Variants in ACAN observed in about 807,000 individuals in gnomAD.
The protein encoded by ACAN is aggrecan core protein.
In ACAN, 47 loss-of-function variants were observed where a neutral mutation model predicts 169.1. That is an observed-to-expected ratio of 0.28 (90% CI 0.22 to 0.35). The LOEUF (loss-of-function observed/expected upper bound fraction) is 0.35. Ranked by LOEUF, ACAN falls within the 10% of genes least tolerant of loss-of-function variation. ACAN has a pLI of 1.00. For missense variants in ACAN, 2,716 were observed against 2,759.9 expected, an observed-to-expected ratio of 0.98 and a Z score of 0.36; for synonymous variants, 1,115 against 1,112.2, an observed-to-expected ratio of 1.00 and a Z score of -0.05.
intron 1 of ACAN, among the ~76,000 whole-genome samples, chr15:88,815,139 C>T (rs1895907435): frequency 6.6e-6 from 1 of 152,076 alleles, no homozygotes; most frequent in African/African-American, 2.4e-5. Context: ...TATGGTTCTC[C>T]CCTCTCTTGG....
chr15:88,840,010 A>G lies in ACAN; in HGVS notation c.455-2A>G. The G allele has an allele frequency of 6.3e-7, 1 of 1,597,094 alleles. No individual in the cohort carries two copies. The highest frequency in any genetic ancestry group is 1.1e-5 in the South Asian group (1 of 88,022). The stretch of plus-strand genomic sequence containing the variant: ...GCTTGTGGGCGTGTATGTGTCTTGC[A>G]GGCATCGTGTTCCATTACAGAGCCA... On this transcript the variant is annotated splice_acceptor_variant, in intron 3 of 18. Transcript: ENST00000560601. LOFTEE classifies it high-confidence loss of function.
intron 4 of ACAN, among the ~76,000 whole-genome samples, chr15:88,841,409 G>T (rs1055439144): frequency 6.6e-6 from 1 of 152,162 alleles, no homozygotes; most frequent in Non-Finnish European, 1.5e-5. Flanking sequence ...TTGCATATCT[G>T]TGGGTGCTTC....
At chr15:88,823,460 G>A (rs1446058622) in intron 1 of ACAN, among the ~76,000 whole-genome samples, 1 of 151,908 alleles carries the variant, frequency 6.6e-6, no homozygotes, top group African/African-American at 2.4e-5. Flanking sequence ...AAAGCTGAGT[G>A]TCCCTGGATG....
chr15:88,844,239 A>G (rs933887735), intron 6 of ACAN, among the ~76,000 whole-genome samples: 3 of 150,734 alleles, frequency 2.0e-5, no homozygotes, highest in African/African-American at 7.3e-5. Flanking sequence ...GGCTCAAGCA[A>G]TCCTCCTGCC....
chr15:88,843,477 A>G lies in ACAN; in HGVS notation c.880A>G (p.Met294Val). The G allele has an allele frequency of 1.2e-6, 2 of 1,612,076 alleles. No homozygotes were observed. The highest frequency in any genetic ancestry group is 1.1e-5 in the South Asian group (1 of 90,944). ...GCTCTACCTGGCCTGGCAGGCTGGC[A>G]TGGACATGTGCAGCGCCGGCTGGCT... ...GQLYLAWQAGMDMCSAGWLAD... is the reference protein window; with the variant it reads ...GQLYLAWQAGVDMCSAGWLAD... Residue 294 changes from methionine to valine, a missense_variant, in exon 6 of 19, where the codon ATG becomes GTG. Met to Val is a conservative substitution (Grantham distance 21). Coordinates refer to ENST00000560601, the MANE Select transcript of ACAN (RefSeq NM_001369268.1). This position sits in a 1 kb window ranked among gnomAD's most constrained non-coding sequence, Gnocchi z 4.0.
chr15:88,843,577 C>T lies in ACAN; in HGVS notation c.980C>T (p.Thr327Ile), dbSNP rs1896720286. ...NCGGNLLGVR[T>I]VYVHANQTGY... ...GGTGGCAACCTCCTGGGCGTGAGGA[C>T]CGTCTACGTGCATGCCAACCAGACG... The change falls in exon 6 of 19, where the codon ACC becomes ATC. Residue 327 changes from threonine to isoleucine, a missense_variant. Physicochemically the swap from Thr to Ile is moderately conservative, Grantham distance 89 (BLOSUM62 -1). This residue lies in a region of ACAN where 1,283 missense variants were observed against 1,281.5 expected (regional missense o/e 1.00). Transcript: ENST00000560601. This position sits in a 1 kb window ranked among gnomAD's most constrained non-coding sequence, Gnocchi z 4.0. 1.9e-6 allele frequency: 3 copies of T among 1,611,718 alleles called. No homozygotes were observed. The highest frequency in any genetic ancestry group is 1.7e-6 in the Non-Finnish European group (2 of 1,178,998).
Position 88,849,496 on chromosome 15 carries a change from C to A in ACAN, c.1791C>A (p.Phe597Leu), listed in dbSNP as rs1596140074. ...TCACCTTCCAGGAAGCACTGGAGTT[C>A]TGTGAATCTCACAATGCTACGCTGG... ...EQFTFQEALE[F>L]CESHNATLAT... The change falls in exon 10 of 19, where the codon TTC becomes TTA. Residue 597 changes from phenylalanine (F) to leucine (L), a missense_variant. Physicochemically the swap from Phe to Leu is conservative, Grantham distance 22 (BLOSUM62 0). Transcript: ENST00000560601. This position sits in a 1 kb window ranked among gnomAD's most constrained non-coding sequence, Gnocchi z 5.1. The A allele has an allele frequency of 6.2e-7, 1 of 1,607,956 alleles. No individual in the cohort carries two copies. The highest frequency in any genetic ancestry group is 8.5e-7 in the Non-Finnish European group (1 of 1,176,576).
At chr15:88,865,574 C>G (rs1596152699) in intron 13 of ACAN, among the ~76,000 whole-genome samples, 1 of 152,314 alleles carries the variant, frequency 6.6e-6, no homozygotes, top group East Asian at 1.9e-4. Context: ...CAGCACTTGG[C>G]TCACAGGAGG....
intron 1 of ACAN, among the ~76,000 whole-genome samples, chr15:88,829,362 G>A (rs1330737192): frequency 6.6e-6 from 1 of 152,132 alleles, no homozygotes; most frequent in Admixed American, 6.5e-5. Context: ...TGGTGAGTTA[G>A]GACAGAGCTG....
Position 88,847,431 on chromosome 15 carries a change from C to T in ACAN, c.1604+14C>T. 6 of 1,549,398 alleles carry T rather than the reference C, an allele frequency of 3.9e-6. No homozygotes were observed. The highest frequency in any genetic ancestry group is 5.3e-6 in the Non-Finnish European group (6 of 1,141,914). ...CCAGACCGTCAGGTGAAGCCATGCT[C>T]CTCGCCCAGCCCAAACCCAATTGAA... On this transcript the variant is annotated intron_variant, in intron 8 of 18. Transcript: ENST00000560601.
At position 88,859,165 on chromosome 15, in the gene ACAN, G is replaced by T; in HGVS notation, c.6580G>T (p.Asp2194Tyr). 1 of 1,613,852 alleles carries T rather than the reference G, an allele frequency of 6.2e-7. No individual in the cohort carries two copies. Among genetic ancestry groups the T allele is most frequent in the Non-Finnish European group, 8.5e-7 (1 of 1,179,914 alleles). Residue 2194 changes from aspartate (D) to tyrosine (Y), a missense_variant, in exon 12 of 19, where the codon GAC becomes TAC. Asp to Tyr is a radical substitution (Grantham distance 160, BLOSUM62 -3). Coordinates refer to ENST00000560601, the MANE Select transcript of ACAN (RefSeq NM_001369268.1). ...LPSATPTASG[D>Y]RTEISGDLSG... ...TTCAGCCACTCCCACGGCTTCTGGA[G>T]ACAGGACTGAAATCAGCGGAGACCT...
At position 88,825,225 on chromosome 15, in the gene ACAN, A is replaced by G. The variant is rs528008682; in HGVS notation, c.-7-10975A>G. Among the ~76,000 whole-genome samples, 13 of 152,300 alleles carry G rather than the reference A, an allele frequency of 8.5e-5. No individual in the cohort carries two copies. In the South Asian group the frequency reaches 2.1e-3, roughly 24 times the overall value. On this transcript the variant is annotated intron_variant, in intron 1 of 18. Transcript: ENST00000560601. Reference sequence around the variant, plus strand: ...CCAAGAACATTCATCCTTTTCTGCCATGAAGTCCATAGGCCAAGCTCCCTT... The same window carrying G: ...CCAAGAACATTCATCCTTTTCTGCCGTGAAGTCCATAGGCCAAGCTCCCTT...
intron 1 of ACAN, among the ~76,000 whole-genome samples, chr15:88,809,831 GAA>G (rs979729369): frequency 5.3e-5 from 8 of 152,228 alleles, no homozygotes; most frequent in African/African-American, 1.7e-4. Context: ...CCCAGCTACT[GAA>G]AAGAGGACCA....
intron 5 of ACAN, among the ~76,000 whole-genome samples, chr15:88,842,395 A>G (rs1896683402): frequency 6.6e-6 from 1 of 152,092 alleles, no homozygotes; most frequent in Admixed American, 6.5e-5. Context: ...AAAGGGCACC[A>G]GTTTTAGTCA....
rs2141595015 is a variant in ACAN at position 88,851,443 on chromosome 15, T to A, written c.2027-351T>A. The A allele has an allele frequency of 4.7e-6, 1 of 210,598 alleles. No individual in the cohort carries two copies. The highest frequency in any genetic ancestry group is 2.3e-5 in the African/African-American group (1 of 43,516). 13.0% of individuals were successfully genotyped at this position (210,598 alleles called of 1,614,324 possible). A position where few individuals can be genotyped will look rare whatever the true frequency, so the allele number is the denominator to read the frequency against. ...ACTCTGGGCAAATCATGTAACTCTG[T>A]GCCTCAGTTTCCCCATCTGTAAAAT... On this transcript the variant is annotated intron_variant, in intron 10 of 18. Coordinates refer to ENST00000560601, the MANE Select transcript of ACAN (RefSeq NM_001369268.1). This position sits in a 1 kb window ranked among gnomAD's most constrained non-coding sequence, Gnocchi z 4.3.
Position 88,840,289 on chromosome 15 carries a change from C to T in ACAN, c.629+103C>T, listed in dbSNP as rs534372146. 11 of 1,376,122 alleles carry T rather than the reference C, an allele frequency of 8.0e-6. No individual in the cohort carries two copies. In the South Asian group the frequency reaches 1.2e-4, roughly 15 times the overall value. 85.2% of individuals were successfully genotyped at this position (1,376,122 alleles called of 1,614,324 possible). ...TTGGCCAGCACTGAGCTGGTGCCAGCATGACACTGTGGCCAGCCTAGGTTA... is the reference window on the plus strand; with the variant it reads ...TTGGCCAGCACTGAGCTGGTGCCAGTATGACACTGTGGCCAGCCTAGGTTA... On this transcript the variant is annotated intron_variant, in intron 4 of 18. Coordinates refer to ENST00000560601, the MANE Select transcript of ACAN (RefSeq NM_001369268.1).
At chr15:88,820,780 A>T (rs1329014545) in intron 1 of ACAN, among the ~76,000 whole-genome samples, 1 of 151,932 alleles carries the variant, frequency 6.6e-6, no homozygotes, top group Non-Finnish European at 1.5e-5. Context: ...ATTTTTTTTG[A>T]GATAAGGTCT....
intron 1 of ACAN, among the ~76,000 whole-genome samples, chr15:88,824,990 G>C (rs1179097992): frequency 4.6e-5 from 7 of 152,160 alleles, no homozygotes; most frequent in Non-Finnish European, 1.0e-4. Flanking sequence ...AAACAGGCTA[G>C]AATGACAATG....
rs1897423087 is a variant in ACAN, at chr15:88,873,109, G to A, written c.7447+84G>A. 3 of 1,503,780 alleles carry A rather than the reference G, an allele frequency of 2.0e-6. No homozygotes were observed. The highest frequency in any genetic ancestry group is 1.4e-5 in the African/African-American group (1 of 72,674). 93.2% of individuals were successfully genotyped at this position (1,503,780 alleles called of 1,614,324 possible). ...TGAGGCTCTTGCTGTGTGGCCTGGG[G>A]TGAGTCCCTTGTCTTCTGGCTGCTG... On this transcript the variant is annotated intron_variant, in intron 17 of 18. Coordinates refer to ENST00000560601, the MANE Select transcript of ACAN (RefSeq NM_001369268.1). The surrounding 1 kb of genome is among the most constrained non-coding windows in gnomAD (Gnocchi z 7.5).
Sources: gnomAD v4.1 joint callset for allele counts (sites outside exome capture counted in the v4.1 genomes callset) on GRCh38, gnomAD v4.1.1 for gene constraint, gnomAD v4.1.1 regional missense constraint, Gnocchi (gnomAD v3.1) non-coding constraint, MANE v1.5 for transcripts, NCBI Gene and HGNC (gene_info 2026-07-23, HGNC 2026-07-21) for gene names.